The following PLB1 variants were observed in gnomAD, a reference collection of about 807,000 sequenced individuals.
The protein encoded by PLB1 is phospholipase B1, also known as phospholipase B1, membrane-associated.
Under a neutral mutation model 227.4 loss-of-function variants are expected in PLB1, and 242 were observed. The ratio of observed to expected loss-of-function variants is 1.06; its 90% CI spans 0.96 to 1.18. The LOEUF (loss-of-function observed/expected upper bound fraction) is 1.18, where lower values mean the gene tolerates loss of function less well. PLB1 is among the 50% of genes most tolerant of loss of function. PLB1 has a pLI of 0.00. For synonymous variants in PLB1, 757 were observed against 682.2 expected, an observed-to-expected ratio of 1.11 and a Z score of -1.71; for missense variants, 1,858 against 1,816.3, an observed-to-expected ratio of 1.02 and a Z score of -0.42.
chr2:28,503,918 G>A (rs1392860225), intron 1 of PLB1, among the ~76,000 whole-genome samples: 2 of 152,180 alleles, frequency 1.3e-5, no homozygotes, highest in African/African-American at 4.8e-5. Flanking sequence ...CACTGCAAAA[G>A]GGCATACAGG....
At chr2:28,515,481 G>A (rs1202426671) in intron 1 of PLB1, among the ~76,000 whole-genome samples, 4 of 152,160 alleles carry the variant, frequency 2.6e-5, no homozygotes, top group Admixed American at 2.6e-4. Flanking sequence ...GCTTGCTTCT[G>A]GGAATTTCAA....
At chr2:28,555,675 T>C (rs895766012) in intron 17 of PLB1, among the ~76,000 whole-genome samples, 13 of 152,140 alleles carry the variant, frequency 8.5e-5, no homozygotes, top group Non-Finnish European at 1.8e-4. Flanking sequence ...AAGCACATGG[T>C]AGAAGCCCAA....
At chr2:28,558,705 A>G (rs1046789401) in intron 17 of PLB1, among the ~76,000 whole-genome samples, 13 of 150,276 alleles carry the variant, frequency 8.7e-5, no homozygotes, top group African/African-American at 2.4e-4. Context: ...GTGTGTGTGT[A>G]TGTGTGTGTG....
chr2:28,593,889 A>G (rs1682433886), intron 33 of PLB1, 135 bp downstream of exon 33: 1 of 779,304 alleles, frequency 1.3e-6, no homozygotes. Flanking sequence ...AAAAAGCTAT[A>G]TATTTCTGCA....
chr2:28,620,749 C>G lies in PLB1; in HGVS notation c.3427+106C>G, dbSNP rs1558935593. Reference sequence around the variant, plus strand: ...GGAGGTTATCTGCAAGAAGGGAAGTCAGCCAGCCCTGAAAAGCCCCAGAAC... The same window carrying G: ...GGAGGTTATCTGCAAGAAGGGAAGTGAGCCAGCCCTGAAAAGCCCCAGAAC... On this transcript the variant is annotated intron_variant, in intron 48 of 57. Transcript: ENST00000327757. The G allele has an allele frequency of 2.9e-5, 45 of 1,551,062 alleles. No homozygotes were observed. In the South Asian group the frequency reaches 4.1e-4, roughly 14 times the overall value.
rs372929049 is a variant in PLB1 at position 28,582,525 on chromosome 2, C to G, written c.1733+20C>G. On this transcript the variant is annotated intron_variant, in intron 25 of 57. Transcript: ENST00000327757. ...CCTCAGGTCAGACAGATACTTCTCC[C>G]CGATTCTACTAAGAATCCTCACTGC... The G allele has an allele frequency of 6.4e-7, 1 of 1,557,880 alleles. No homozygotes were observed. The highest frequency in any genetic ancestry group is 1.4e-5 in the African/African-American group (1 of 73,674).
rs551697913 is a variant in PLB1 at position 28,553,203 on chromosome 2, C to T, written c.1147+212C>T. Reference sequence around the variant, plus strand: ...TCAGAAAGCATTTATTGAGCAGTAACCCTGTACCAGGCCATGTTCTGCAAA... The same window carrying T: ...TCAGAAAGCATTTATTGAGCAGTAATCCTGTACCAGGCCATGTTCTGCAAA... On this transcript the variant is annotated intron_variant, in intron 17 of 57. Transcript: ENST00000327757. 3.9e-4 allele frequency among the ~76,000 whole-genome samples: 60 copies of T among 152,308 alleles called. 1 individual carries two copies. The highest frequency in any genetic ancestry group is 7.5e-4 in the Non-Finnish European group (51 of 68,032).
rs965564464 is a variant in PLB1, at chr2:28,526,009, C to G, written c.325+64C>G. ...CTCTCCTTCCCAACACAGCAGCATCCTCTCTAATAAAGAGAATGGACACCA... is the reference window on the plus strand; with the variant it reads ...CTCTCCTTCCCAACACAGCAGCATCGTCTCTAATAAAGAGAATGGACACCA... On this transcript the variant is annotated intron_variant, in intron 6 of 57. Coordinates refer to ENST00000327757, the MANE Select transcript of PLB1 (RefSeq NM_153021.5). The G allele has an allele frequency of 1.9e-6, 3 of 1,581,816 alleles. No homozygotes were observed. In the African/African-American group the frequency reaches 4.1e-5, roughly 21 times the overall value.
At chr2:28,552,012 G>C (rs1674339380) in intron 16 of PLB1, among the ~76,000 whole-genome samples, 1 of 152,182 alleles carries the variant, frequency 6.6e-6, no homozygotes, top group Non-Finnish European at 1.5e-5. Context: ...CCAGGTATGA[G>C]AGATTAAAAT....
intron 1 of PLB1, among the ~76,000 whole-genome samples, chr2:28,500,501 A>G (rs1467080714): frequency 1.3e-5 from 2 of 152,176 alleles, no homozygotes; most frequent in Non-Finnish European, 2.9e-5. Context: ...AATTTTTACC[A>G]TGGTGATTGG....
chr2:28,563,085 G>A lies in PLB1; in HGVS notation c.1192G>A (p.Gly398Ser). The A allele has an allele frequency of 1.9e-6, 3 of 1,613,554 alleles. No individual in the cohort carries two copies. The highest frequency in any genetic ancestry group is 2.5e-6 in the Non-Finnish European group (3 of 1,179,566). Residue 398 changes from glycine to serine, a missense_variant, in exon 18 of 58, where the codon GGT becomes AGT. Transcript: ENST00000327757. ...TGACATCAACGTAATTGGAGCCCTG[G>A]GTGACTCTCTCACGGTAAGTGACCC... is the stretch of plus-strand genomic sequence containing the variant. ...PADINVIGALGDSLTAGNGAG... is the reference protein window; with the variant it reads ...PADINVIGALSDSLTAGNGAG...
chr2:28,530,140 G>A (rs1670830290), intron 8 of PLB1, among the ~76,000 whole-genome samples: 3 of 152,214 alleles, frequency 2.0e-5, no homozygotes, highest in Admixed American at 6.5e-5. Flanking sequence ...ATTACAGGAC[G>A]AGTGATAATG....
At chr2:28,611,064 A>G (rs994133389) in intron 43 of PLB1, among the ~76,000 whole-genome samples, 3 of 152,092 alleles carry the variant, frequency 2.0e-5, no homozygotes, top group Admixed American at 6.5e-5. Context: ...ATAAAACCCA[A>G]TAAAACCCAT....
chr2:28,539,895 T>C (rs1450801969), intron 11 of PLB1, among the ~76,000 whole-genome samples: 1 of 149,328 alleles, frequency 6.7e-6, no homozygotes, highest in Non-Finnish European at 1.5e-5. Flanking sequence ...TAGGAAGAGC[T>C]TTCCTCCATT....
chr2:28,587,341 C>T (rs1174160766), intron 26 of PLB1, among the ~76,000 whole-genome samples: 1 of 152,146 alleles, frequency 6.6e-6, no homozygotes, highest in Non-Finnish European at 1.5e-5. Context: ...CAATGCTGGG[C>T]GTGGTGACTC....
chr2:28,538,448 CG>C, intron 10 of PLB1, 67 bp downstream of exon 10: 1 of 1,465,090 alleles, frequency 6.8e-7, no homozygotes, highest in Non-Finnish European at 9.4e-7. Context: ...TGGCCTCCAC[CG>C]GGGTGGGGAA....
chr2:28,588,275 C>T (rs1681262036), intron 26 of PLB1, among the ~76,000 whole-genome samples: 2 of 152,196 alleles, frequency 1.3e-5, no homozygotes, highest in African/African-American at 4.8e-5. Flanking sequence ...TTGGAAGGGA[C>T]TTAAGAGATG....
chr2:28,597,080 G>A (rs922827016), intron 33 of PLB1, among the ~76,000 whole-genome samples: 15 of 152,204 alleles, frequency 9.9e-5, no homozygotes, highest in African/African-American at 1.4e-4. Flanking sequence ...TGGCTAACAC[G>A]GTGGAACCCC....
rs750054030 is a variant in PLB1, at chr2:28,548,868, A to G, written c.945A>G (p.Pro315=). Residue 315 remains proline (P), a synonymous_variant, in exon 15 of 58, where the codon CCA becomes CCG. Transcript: ENST00000327757. ...CCCACGTTCCTTTCTAGATGGAGCCAGCAGGAGAGAAAGATGAGCCATTGA... is the reference window on the plus strand; with the variant it reads ...CCCACGTTCCTTTCTAGATGGAGCCGGCAGGAGAGAAAGATGAGCCATTGA... ...AWHLWNRMME[P]AGEKDEPLSV... 3 of 1,614,172 alleles carry G rather than the reference A, an allele frequency of 1.9e-6. No homozygotes were observed. In the South Asian group the frequency reaches 3.3e-5, roughly 18 times the overall value.
Sources: allele counts gnomAD v4.1 joint callset (sites outside exome capture counted in the v4.1 genomes callset), GRCh38; gene constraint gnomAD v4.1.1; transcripts MANE v1.5; gene names NCBI Gene and HGNC (gene_info 2026-07-23, HGNC 2026-07-21).